VAV3: variants seen among roughly 807,000 people sequenced by gnomAD.
VAV3 encodes vav guanine nucleotide exchange factor 3, also known as guanine nucleotide exchange factor VAV3.
VAV3 carries 94 observed loss-of-function variants against 131.2 expected under a neutral mutation model. The ratio of observed to expected loss-of-function variants is 0.72; its 90% confidence interval spans 0.61 to 0.85. VAV3 has a LOEUF of 0.85. Ranked by LOEUF, VAV3 falls within the 40% of genes least tolerant of loss-of-function variation. The pLI, the probability that VAV3 is intolerant of heterozygous loss-of-function variation, is 0.00. For synonymous variants in VAV3, 349 were observed against 342.0 expected (o/e 1.02, Z -0.22); for missense variants, 939 against 1,002.7 (o/e 0.94, Z 0.86).
chr1:107,688,445 T>C, intron 17 of VAV3, 39 bp from the exon 18 acceptor site: 4 of 1,612,594 alleles, frequency 2.5e-6, no homozygotes, highest in Non-Finnish European at 2.5e-6. Context: ...CAGTGTAAAG[T>C]TATTTTGTTT....
At chr1:107,612,538 T>A (rs1203256398) in intron 21 of VAV3, among the ~76,000 whole-genome samples, 2 of 152,144 alleles carry the variant, frequency 1.3e-5, no homozygotes, top group Non-Finnish European at 2.9e-5. Context: ...GCTTTTAAAA[T>A]CTTTTCCTAA....
Position 107,642,725 on chromosome 1 carries a change from T to C in VAV3, c.1808A>G (p.Tyr603Cys). Residue 603 changes from tyrosine to cysteine, a missense_variant, in exon 20 of 27, where the codon TAT becomes TGT. Coordinates refer to ENST00000370056, the MANE Select transcript of VAV3 (RefSeq NM_006113.5). ...CAGAGCTGGGGGTGGTGTTCCAGAA[T>C]AGTTCCTAATGACCTGCATCTTTGG... Reference protein sequence around the residue: ...GLPKMQVIRNYSGTPPPALHE... With the variant: ...GLPKMQVIRNCSGTPPPALHE... 2.5e-6 allele frequency: 4 copies of C among 1,613,448 alleles called. No homozygotes were observed. The highest frequency in any genetic ancestry group is 3.4e-6 in the Non-Finnish European group (4 of 1,179,634).
chr1:107,960,669 C>G (rs1435251597), intron 1 of VAV3, among the ~76,000 whole-genome samples: 1 of 152,120 alleles, frequency 6.6e-6, no homozygotes, highest in Non-Finnish European at 1.5e-5. Flanking sequence ...CACACTGACC[C>G]TGCTGTTCCT....
chr1:107,782,821 T>G (rs1665768411), intron 2 of VAV3, among the ~76,000 whole-genome samples: 1 of 152,202 alleles, frequency 6.6e-6, no homozygotes, highest in South Asian at 2.1e-4. Context: ...GATTCTGACC[T>G]GCCACTGGAA....
intron 19 of VAV3, among the ~76,000 whole-genome samples, chr1:107,659,466 C>CA: frequency 6.6e-6 from 1 of 151,944 alleles, no homozygotes; most frequent in East Asian, 1.9e-4. Context: ...TCACAATGTC[C>CA]AAAAAAAGAA....
intron 1 of VAV3, among the ~76,000 whole-genome samples, chr1:107,908,276 T>A (rs986569192): frequency 2.0e-5 from 3 of 152,192 alleles, no homozygotes; most frequent in African/African-American, 7.2e-5. Flanking sequence ...GGGTGATGTA[T>A]ACATGGCTTC....
Position 107,574,987 on chromosome 1 carries a change from G to GTA in VAV3, c.2351-790_2351-789insTA, listed in dbSNP as rs1649514983. ...TCTGTGTGTGTGTGTGTGTGTGTGT[G>GTA]TGTGTGCGTGCGTGCGCGCGCGCGC... On this transcript the variant is annotated intron_variant, in intron 25 of 26. Coordinates refer to ENST00000370056, the MANE Select transcript of VAV3 (RefSeq NM_006113.5). Among the ~76,000 whole-genome samples the GTA allele has an allele frequency of 1.3e-4, 4 of 31,192 alleles. No homozygotes were observed. The Admixed American group carries it at 2.0e-3, about 16-fold the overall frequency. The allele number at this position is 31,192 out of a possible 152,430, so 20.5% of individuals were successfully genotyped here. A position where few individuals can be genotyped will look rare whatever the true frequency, so the allele number is the denominator to read the frequency against.
chr1:107,943,104 A>G (rs1367332550), intron 1 of VAV3, among the ~76,000 whole-genome samples: 1 of 151,816 alleles, frequency 6.6e-6, no homozygotes, highest in Non-Finnish European at 1.5e-5. Flanking sequence ...TTCTGATTCA[A>G]TTCCTTTTTC....
intron 2 of VAV3, among the ~76,000 whole-genome samples, chr1:107,803,294 T>G (rs1666911602): frequency 6.6e-6 from 1 of 151,974 alleles, no homozygotes; most frequent in Non-Finnish European, 1.5e-5. Flanking sequence ...TTTTCATTTT[T>G]AAGGCTGGGT....
chr1:107,733,561 T>C (rs1384946832), intron 15 of VAV3, among the ~76,000 whole-genome samples: 2 of 152,132 alleles, frequency 1.3e-5, no homozygotes, highest in Non-Finnish European at 2.9e-5. Flanking sequence ...CTGATGGAGC[T>C]GAAAACCATG....
chr1:107,736,986 G>A (rs2101998688), intron 15 of VAV3, among the ~76,000 whole-genome samples: 1 of 152,212 alleles, frequency 6.6e-6, no homozygotes, highest in East Asian at 1.9e-4. Context: ...AAAACAGCAT[G>A]GTACTGGTAC....
At chr1:107,755,386 G>T in intron 12 of VAV3, 41 bp downstream of exon 12, 1 of 1,393,870 alleles carries the variant, frequency 7.2e-7, no homozygotes, top group Non-Finnish European at 1.0e-6. Flanking sequence ...TGTCGTTGAT[G>T]TGGGGGTGAG....
At chr1:107,919,428 T>C (rs1175750269) in intron 1 of VAV3, among the ~76,000 whole-genome samples, 1 of 152,220 alleles carries the variant, frequency 6.6e-6, no homozygotes, top group African/African-American at 2.4e-5. Flanking sequence ...AGCCTATTCT[T>C]AATATAAACT....
chr1:107,695,068 T>C (rs959925589), intron 17 of VAV3, among the ~76,000 whole-genome samples: 1 of 151,772 alleles, frequency 6.6e-6, no homozygotes, highest in Non-Finnish European at 1.5e-5. Context: ...GACAGTAAAA[T>C]AGAAAAACAA....
Position 107,964,650 on chromosome 1 carries a change from G to C in VAV3, c.204+16C>G, listed in dbSNP as rs777174726. The C allele has an allele frequency of 6.2e-7, 1 of 1,607,870 alleles. No homozygotes were observed. Among genetic ancestry groups the C allele is most frequent in the Non-Finnish European group, 8.5e-7 (1 of 1,176,920 alleles). ...GCTGCCGGCTGGAGGCGGGGCGCCC[G>C]TGCCGGCCTCCTCACCTGGGACATC... On this transcript the variant is annotated intron_variant, in intron 1 of 26. Coordinates refer to ENST00000370056, the MANE Select transcript of VAV3 (RefSeq NM_006113.5).
At chr1:107,637,716 C>G (rs1429980477) in intron 20 of VAV3, among the ~76,000 whole-genome samples, 2 of 152,166 alleles carry the variant, frequency 1.3e-5, no homozygotes, top group African/African-American at 2.4e-5. Context: ...TTCTACGACA[C>G]ACTTCAGGAA....
intron 15 of VAV3, among the ~76,000 whole-genome samples, chr1:107,723,228 G>A (rs1661610496): frequency 6.6e-6 from 1 of 152,114 alleles, no homozygotes; most frequent in Non-Finnish European, 1.5e-5. Flanking sequence ...AACAAAAAGA[G>A]AGCTACTCCT....
chr1:107,661,421 C>T (rs1463204951), intron 19 of VAV3, among the ~76,000 whole-genome samples: 3 of 152,196 alleles, frequency 2.0e-5, no homozygotes, highest in African/African-American at 4.8e-5. Flanking sequence ...GCAATGTCTT[C>T]GCAACCCTCC....
chr1:107,962,404 C>G (rs889915072), intron 1 of VAV3, among the ~76,000 whole-genome samples: 1 of 152,178 alleles, frequency 6.6e-6, no homozygotes, highest in African/African-American at 2.4e-5. Flanking sequence ...TCTATTGGAA[C>G]CTATTACTCT....
Sources: gnomAD v4.1 joint callset for allele counts (sites outside exome capture counted in the v4.1 genomes callset) on GRCh38, gnomAD v4.1.1 for gene constraint, MANE v1.5 for transcripts, NCBI Gene and HGNC (gene_info 2026-07-23, HGNC 2026-07-21) for gene names.